The following UAP1 variants were observed in gnomAD, a reference collection of about 807,000 sequenced individuals.
The protein encoded by UAP1 is UDP-N-acetylhexosamine pyrophosphorylase.
A neutral mutation model predicts 58.5 loss-of-function variants in UAP1; 25 were observed. The observed-to-expected ratio is 0.43, with a 90% CI of 0.31 to 0.60. The LOEUF is 0.60. Ranked by LOEUF, UAP1 falls within the 20% of genes least tolerant of loss-of-function variation. The pLI, the probability that UAP1 is intolerant of heterozygous loss-of-function variation, is 0.11. For synonymous variants in UAP1, 208 were observed against 213.0 expected, an observed-to-expected ratio of 0.98 and a Z score of 0.21; for missense variants, 575 against 630.0, an observed-to-expected ratio of 0.91 and a Z score of 0.93.
intron 8 of UAP1, among the ~76,000 whole-genome samples, chr1:162,590,802 A>AT (rs200031840): frequency 8.5e-4 from 123 of 144,822 alleles, no homozygotes; most frequent in South Asian, 2.8e-3. Context: ...TGATCAGAAG[A>AT]TTTTTTTTTT....
intron 5 of UAP1, among the ~76,000 whole-genome samples, chr1:162,583,052 A>G (rs1054363699): frequency 6.7e-6 from 1 of 149,552 alleles, no homozygotes. Context: ...ATCTCGGCTC[A>G]CTGCAACCTT....
At chr1:162,588,717 C>A in exon 7 of UAP1, 1 of 1,611,272 alleles carries the variant, frequency 6.2e-7, no homozygotes, top group Non-Finnish European at 8.5e-7. Context: ...AGTTGCAGCA[C>A]CATGTGGCTC....
intron 4 of UAP1, 142 bp downstream of exon 4, chr1:162,579,745 A>G: frequency 1.3e-6 from 1 of 758,060 alleles, no homozygotes; most frequent in South Asian, 2.8e-5. Flanking sequence ...ATGATTTAAA[A>G]AGATGAAAAT....
chr1:162,568,981 A>G (rs191770970), intron 2 of UAP1, among the ~76,000 whole-genome samples: 10 of 152,358 alleles, frequency 6.6e-5, no homozygotes, highest in African/African-American at 2.4e-4. Flanking sequence ...ATTAGAACCA[A>G]GTATAGCATA....
chr1:162,589,053 C>T (rs1312824511), intron 7 of UAP1, among the ~76,000 whole-genome samples: 2 of 131,382 alleles, frequency 1.5e-5, no homozygotes, highest in Non-Finnish European at 3.1e-5. Context: ...TTTTTTAAAT[C>T]AACTAGTTTC....
At chr1:162,574,948 T>C (rs1382612080) in intron 2 of UAP1, among the ~76,000 whole-genome samples, 1 of 152,274 alleles carries the variant, frequency 6.6e-6, no homozygotes, top group Non-Finnish European at 1.5e-5. Context: ...TATTGCTGAA[T>C]ATTCAACTGG....
At chr1:162,581,862 G>A (rs1161925312) in intron 5 of UAP1, among the ~76,000 whole-genome samples, 1 of 152,174 alleles carries the variant, frequency 6.6e-6, no homozygotes, top group South Asian at 2.1e-4. Flanking sequence ...AGGTGACAAG[G>A]TATCTTACGA....
At chr1:162,589,453 T>A (rs943948914) in intron 7 of UAP1, among the ~76,000 whole-genome samples, 5 of 150,450 alleles carry the variant, frequency 3.3e-5, no homozygotes, top group Non-Finnish European at 5.9e-5. Flanking sequence ...ACGCCCCGCC[T>A]TGGTCTCCTG....
chr1:162,585,357 A>T (rs1276994419), intron 5 of UAP1, among the ~76,000 whole-genome samples: 1 of 151,858 alleles, frequency 6.6e-6, no homozygotes, highest in East Asian at 1.9e-4. Context: ...TCCCAGGTTC[A>T]AGTGATTCTG....
At chr1:162,571,871 A>T (rs1441703563) in intron 2 of UAP1, among the ~76,000 whole-genome samples, 5 of 152,240 alleles carry the variant, frequency 3.3e-5, no homozygotes, top group Non-Finnish European at 5.9e-5. Flanking sequence ...GTGTACACAC[A>T]ATTTGATACT....
chr1:162,569,687 C>CT (rs1290871500), intron 2 of UAP1, among the ~76,000 whole-genome samples: 3 of 152,086 alleles, frequency 2.0e-5, no homozygotes, highest in Non-Finnish European at 4.4e-5. Flanking sequence ...TCAGTCTTAG[C>CT]TTTTTTTGCC....
intron 9 of UAP1, among the ~76,000 whole-genome samples, chr1:162,596,342 A>G (rs1655618192): frequency 6.8e-6 from 1 of 147,146 alleles, no homozygotes; most frequent in Non-Finnish European, 1.5e-5. Context: ...CACCCGGCTA[A>G]TTTTGTATTT....
chr1:162,601,028 A>G (rs1232178330), downstream of UAP1, among the ~76,000 whole-genome samples: 1 of 152,156 alleles, frequency 6.6e-6, no homozygotes, highest in Non-Finnish European at 1.5e-5. Flanking sequence ...TGGAAATGGG[A>G]TTGTGTAGTG....
chr1:162,570,125 G>A (rs1174632323), intron 2 of UAP1, among the ~76,000 whole-genome samples: 3 of 149,370 alleles, frequency 2.0e-5, no homozygotes, highest in Non-Finnish European at 4.4e-5. Context: ...CTCCAGCCTG[G>A]TTGACAGAGC....
At chr1:162,591,766 G>A (rs893151016) in intron 8 of UAP1, among the ~76,000 whole-genome samples, 20 of 150,876 alleles carry the variant, frequency 1.3e-4, no homozygotes, top group Non-Finnish European at 1.5e-5. Context: ...GATTACAGGC[G>A]TGAGCCGCCA....
intron 5 of UAP1, among the ~76,000 whole-genome samples, chr1:162,585,258 CT>C (rs10710780): frequency 0.63 from 93,655 of 148,072 alleles, 29,573 homozygotes; most frequent in Non-Finnish European, 0.68. Context: ...TACTGTATAT[CT>C]TTTTTTTTTT....
At chr1:162,574,093 C>CTTT (rs1204675147) in intron 2 of UAP1, among the ~76,000 whole-genome samples, 2 of 134,910 alleles carry the variant, frequency 1.5e-5, no homozygotes, top group African/African-American at 2.7e-5. Flanking sequence ...CTTTTCTTTT[C>CTTT]TTTTTTTTTT....
Position 162,578,882 on chromosome 1 carries a change from A to G in UAP1, c.486-546A>G, listed in dbSNP as rs192679209. Reference sequence around the variant, plus strand: ...TTACATTCTAGTAAGGGCAAAAGCTACCACAGTCACTAATTATAGTTTTAG... The same window carrying G: ...TTACATTCTAGTAAGGGCAAAAGCTGCCACAGTCACTAATTATAGTTTTAG... On this transcript the variant is annotated intron_variant, in intron 3 of 10. Transcript: ENST00000271469. 5.2e-3 allele frequency among the ~76,000 whole-genome samples: 785 copies of G among 152,312 alleles called. 3 individuals are homozygous for G. The highest frequency in any genetic ancestry group is 7.1e-3 in the Non-Finnish European group (485 of 68,014).
intron 2 of UAP1, among the ~76,000 whole-genome samples, chr1:162,570,342 A>G (rs1044583913): frequency 3.9e-5 from 6 of 152,202 alleles, no homozygotes; most frequent in African/African-American, 1.4e-4. Context: ...AGAATTTATC[A>G]TGAAAAATGT....
Sources: gnomAD v4.1 joint callset for allele counts (sites outside exome capture counted in the v4.1 genomes callset) on GRCh38, gnomAD v4.1.1 for gene constraint, MANE v1.5 for transcripts, NCBI Gene and HGNC (gene_info 2026-07-23, HGNC 2026-07-21) for gene names.